DENND4A: variants seen among roughly 807,000 people sequenced by gnomAD.
DENND4A encodes the protein C-myc promoter-binding protein.
In DENND4A, 70 loss-of-function variants were observed where a neutral mutation model predicts 199.3. The ratio of observed to expected loss-of-function variants is 0.35; its 90% CI spans 0.29 to 0.43. The LOEUF (loss-of-function observed/expected upper bound fraction) is 0.43. Ranked by LOEUF, DENND4A falls within the 20% of genes least tolerant of loss-of-function variation. The probability of loss-of-function intolerance (pLI) is 1.00; values close to 1 mark genes in which losing one functional copy is unlikely to be tolerated. For missense variants in DENND4A, 1,723 were observed against 2,255.8 expected (o/e 0.76, Z 4.78); for synonymous variants, 686 against 766.9 (o/e 0.89, Z 1.74).
chr15:65,692,910 A>G (rs977054036), intron 22 of DENND4A, among the ~76,000 whole-genome samples: 1 of 152,208 alleles, frequency 6.6e-6, no homozygotes, highest in African/African-American at 2.4e-5. Context: ...AGAGGTTTGC[A>G]AACTATACCA....
intron 1 of DENND4A, among the ~76,000 whole-genome samples, chr15:65,780,129 C>T (rs1206290838): frequency 3.3e-5 from 5 of 152,124 alleles, no homozygotes; most frequent in Admixed American, 6.6e-5. Flanking sequence ...TGACATATTG[C>T]GGGCTCGAGA....
intron 3 of DENND4A, among the ~76,000 whole-genome samples, chr15:65,754,114 A>T (rs958858061): frequency 5.3e-5 from 8 of 152,030 alleles, no homozygotes; most frequent in Non-Finnish European, 1.2e-4. Context: ...GATTACAGGC[A>T]TGAGCCACTG....
chr15:65,764,131 A>G (rs905663761), intron 1 of DENND4A, among the ~76,000 whole-genome samples: 29 of 152,172 alleles, frequency 1.9e-4, no homozygotes, highest in Admixed American at 1.7e-3. Context: ...TTTCTGCTAC[A>G]TTGTTTCTTA....
intron 14 of DENND4A, among the ~76,000 whole-genome samples, chr15:65,709,427 C>T (rs146697311): frequency 1.7e-3 from 251 of 152,080 alleles, no homozygotes; most frequent in African/African-American, 5.8e-3. Flanking sequence ...CATTTTGAGC[C>T]GGGCACGGCG....
chr15:65,700,264 A>C (rs1037443976), intron 20 of DENND4A, among the ~76,000 whole-genome samples: 4 of 152,096 alleles, frequency 2.6e-5, no homozygotes, highest in African/African-American at 9.7e-5. Context: ...ATGATAGGGT[A>C]AACAGATCTA....
intron 7 of DENND4A, among the ~76,000 whole-genome samples, chr15:65,736,084 T>TG (rs1355865598): frequency 6.6e-6 from 1 of 152,090 alleles, no homozygotes; most frequent in African/African-American, 2.4e-5. Context: ...TTTTCTAAGA[T>TG]GGGGGTGATA....
Position 65,659,359 on chromosome 15 carries a change from G to T in DENND4A, c.*2492C>A, listed in dbSNP as rs2075787130. 1 of 107,164 alleles carries T rather than the reference G, an allele frequency of 9.3e-6. No individual in the cohort carries two copies. Among genetic ancestry groups the T allele is most frequent in the Non-Finnish European group, 1.8e-5 (1 of 56,464 alleles). 6.6% of individuals were successfully genotyped at this position (107,164 alleles called of 1,614,324 possible). On this transcript the variant is annotated 3_prime_UTR_variant, in exon 33 of 33. Transcript: ENST00000443035. Reference sequence around the variant, plus strand: ...TTTTTTTTTTTTTTTTTTGAGACAGGGTCTTGCTCTGTAATCCAGGCTAGA... The same window carrying T: ...TTTTTTTTTTTTTTTTTTGAGACAGTGTCTTGCTCTGTAATCCAGGCTAGA...
At chr15:65,732,920 C>T (rs758951146) in intron 7 of DENND4A, 102 bp from the exon 8 acceptor site, 8 of 656,254 alleles carry the variant, frequency 1.2e-5, no homozygotes, top group Admixed American at 5.6e-5. Context: ...GCCCTGTGTC[C>T]CTATTATTTT....
At chr15:65,767,836 T>C (rs1184618653) in intron 1 of DENND4A, among the ~76,000 whole-genome samples, 1 of 152,188 alleles carries the variant, frequency 6.6e-6, no homozygotes, top group Non-Finnish European at 1.5e-5. Flanking sequence ...CAGGATGATA[T>C]ATTAGACATA....
intron 14 of DENND4A, among the ~76,000 whole-genome samples, chr15:65,712,820 C>T (rs62014391): frequency 3.4e-4 from 51 of 151,950 alleles, no homozygotes; most frequent in Non-Finnish European, 6.5e-4. Context: ...TTGTTGTGAT[C>T]ATATATAATA....
At chr15:65,740,663 A>T (rs2076236783) in intron 5 of DENND4A, among the ~76,000 whole-genome samples, 1 of 151,576 alleles carries the variant, frequency 6.6e-6, no homozygotes, top group South Asian at 2.1e-4. Flanking sequence ...TAAATTGTAG[A>T]TCTAAAAATA....
chr15:65,698,498 T>C (rs1276321337), intron 20 of DENND4A, among the ~76,000 whole-genome samples: 1 of 152,122 alleles, frequency 6.6e-6, no homozygotes, highest in African/African-American at 2.4e-5. Context: ...GTTATTACTA[T>C]ATGAGACTAT....
At chr15:65,682,367 T>C (rs1037982699) in intron 23 of DENND4A, among the ~76,000 whole-genome samples, 6 of 152,256 alleles carry the variant, frequency 3.9e-5, no homozygotes, top group Non-Finnish European at 8.8e-5. Context: ...TTTTATGTTA[T>C]AGAGACAGCT....
intron 14 of DENND4A, among the ~76,000 whole-genome samples, chr15:65,713,030 A>G (rs992819637): frequency 3.3e-5 from 5 of 152,132 alleles, no homozygotes; most frequent in Admixed American, 3.3e-4. Flanking sequence ...ACATTCTCCT[A>G]CAGAAATACA....
intron 1 of DENND4A, among the ~76,000 whole-genome samples, chr15:65,788,930 C>T (rs1043556348): frequency 6.6e-6 from 1 of 150,656 alleles, no homozygotes; most frequent in Admixed American, 6.6e-5. Flanking sequence ...AAAAATTACC[C>T]ATAATCCGAT....
intron 1 of DENND4A, among the ~76,000 whole-genome samples, chr15:65,782,266 C>T (rs557078817): frequency 6.6e-6 from 1 of 152,162 alleles, no homozygotes; most frequent in Non-Finnish European, 1.5e-5. Flanking sequence ...CTTTGCATTG[C>T]AAGGCTTTGC....
At chr15:65,730,387 C>T (rs1254014560) in intron 9 of DENND4A, among the ~76,000 whole-genome samples, 1 of 151,874 alleles carries the variant, frequency 6.6e-6, no homozygotes, top group East Asian at 1.9e-4. Context: ...TAAAGCAAAA[C>T]TAATAACAAA....
intron 23 of DENND4A, chr15:65,680,492 A>T (rs1340119348): frequency 2.6e-5 from 4 of 152,250 alleles, no homozygotes; most frequent in Non-Finnish European, 5.9e-5. Context: ...ATTACTTAGT[A>T]TAAAAAATAA....
intron 19 of DENND4A, 81 bp from the exon 20 acceptor site, chr15:65,700,756 C>A: frequency 7.5e-7 from 1 of 1,328,012 alleles, no homozygotes; most frequent in Non-Finnish European, 9.9e-7. Flanking sequence ...AATAATCCAC[C>A]AATGTAATAC....
Sources: gnomAD v4.1 joint callset for allele counts (sites outside exome capture counted in the v4.1 genomes callset) on GRCh38, gnomAD v4.1.1 for gene constraint, MANE v1.5 for transcripts, NCBI Gene and HGNC (gene_info 2026-07-23, HGNC 2026-07-21) for gene names.